The following TOP1 variants were observed in gnomAD, a reference collection of about 807,000 sequenced individuals.
TOP1 encodes DNA topoisomerase 1.
In TOP1, 10 loss-of-function variants were observed where a neutral mutation model predicts 111.1. That is an observed-to-expected ratio of 0.09 (90% CI 0.06 to 0.15). The LOEUF (loss-of-function observed/expected upper bound fraction) is 0.15, where lower values mean the gene tolerates loss of function less well. Ranked by LOEUF, TOP1 falls within the 10% of genes least tolerant of loss-of-function variation. TOP1 has a pLI of 1.00. For missense variants in TOP1, 474 were observed against 926.7 expected (o/e 0.51, Z 6.34); for synonymous variants, 271 against 302.9 (o/e 0.89, Z 1.10).
intron 3 of TOP1, among the ~76,000 whole-genome samples, chr20:41,072,109 G>C (rs1471828435): frequency 6.6e-6 from 1 of 152,062 alleles, no homozygotes; most frequent in Admixed American, 6.5e-5. Flanking sequence ...ATCCTTTCAG[G>C]GTATCTAGCA....
Position 41,046,542 on chromosome 20 carries a change from A to G in TOP1, c.59-14852A>G, listed in dbSNP as rs991246823. ...TAAATGCAGGCTCTGCTGCACTTTA[A>G]TGTAATTCTTTCCCTATTAAGGGAA... On this transcript the variant is annotated intron_variant, in intron 2 of 20. Transcript: ENST00000361337. The surrounding 1 kb of genome is among the most constrained non-coding windows in gnomAD (Gnocchi z 4.3). Among the ~76,000 whole-genome samples, 3 of 152,220 alleles carry G rather than the reference A, an allele frequency of 2.0e-5. No homozygotes were observed. The highest frequency in any genetic ancestry group is 1.3e-4 in the Admixed American group (2 of 15,284).
At chr20:41,088,592 C>T (rs1014421432) in intron 8 of TOP1, among the ~76,000 whole-genome samples, 49 of 152,104 alleles carry the variant, frequency 3.2e-4, no homozygotes, top group African/African-American at 1.1e-3. Flanking sequence ...CGTTCGGAAT[C>T]TCCTCACGGT....
At position 41,122,108 on chromosome 20, in the gene TOP1, G is replaced by A. The variant is rs372445363; in HGVS notation, c.2148G>A (p.Leu716=). 1.9e-6 allele frequency: 3 copies of A among 1,614,144 alleles called. No homozygotes were observed. Among genetic ancestry groups the A allele is most frequent in the African/African-American group, 2.7e-5 (2 of 75,026 alleles). The change falls in exon 20 of 21, where the codon CTG becomes CTA. Residue 716 remains leucine, a synonymous_variant. Coordinates refer to ENST00000361337, the MANE Select transcript of TOP1 (RefSeq NM_003286.4). This position sits in a 1 kb window ranked among gnomAD's most constrained non-coding sequence, Gnocchi z 5.4. ...TDREENKQIA[L]GTSKLNYLDP... Reference sequence around the variant, plus strand: ...GAGAGGAAAATAAACAGATTGCCCTGGGAACCTCCAAACTCAATTATCTGG... The same window carrying A: ...GAGAGGAAAATAAACAGATTGCCCTAGGAACCTCCAAACTCAATTATCTGG...
At position 41,045,489 on chromosome 20, in the gene TOP1, G is replaced by C. The variant is rs571958556; in HGVS notation, c.59-15905G>C. On this transcript the variant is annotated intron_variant, in intron 2 of 20. Coordinates refer to ENST00000361337, the MANE Select transcript of TOP1 (RefSeq NM_003286.4). ...TTATTTGACCCCTTAGAGCTAAACA[G>C]GTGAAAATTTCAGGTCCTTTGGATG... Among the ~76,000 whole-genome samples the C allele has an allele frequency of 5.3e-5, 8 of 152,228 alleles. No individual in the cohort carries two copies. In the South Asian group the frequency reaches 1.7e-3, roughly 32 times the overall value.
chr20:41,074,021 A>G (rs921772361), intron 3 of TOP1, among the ~76,000 whole-genome samples: 3 of 152,190 alleles, frequency 2.0e-5, no homozygotes, highest in Non-Finnish European at 4.4e-5. Context: ...GGTAAGCTCA[A>G]ACATTTTGCT....
chr20:41,041,356 A>G (rs1158967444), intron 2 of TOP1, among the ~76,000 whole-genome samples: 1 of 149,696 alleles, frequency 6.7e-6, no homozygotes, highest in Non-Finnish European at 1.5e-5. Flanking sequence ...AGGCTGAGGA[A>G]GGAGGATCAG....
At chr20:41,084,942 A>G (rs1467591888) in intron 8 of TOP1, among the ~76,000 whole-genome samples, 1 of 152,160 alleles carries the variant, frequency 6.6e-6, no homozygotes, top group Non-Finnish European at 1.5e-5. Flanking sequence ...CTCAACAAGA[A>G]AACGTGGGTG....
In TOP1 at chr20:41,095,507, G is replaced by A. The variant is rs888545471; in HGVS notation, c.731-1713G>A. Among the ~76,000 whole-genome samples the A allele has an allele frequency of 2.3e-4, 35 of 152,032 alleles. No individual in the cohort carries two copies. Among genetic ancestry groups the A allele is most frequent in the Non-Finnish European group, 5.9e-5 (4 of 68,004 alleles). On this transcript the variant is annotated intron_variant, in intron 9 of 20. Coordinates refer to ENST00000361337, the MANE Select transcript of TOP1 (RefSeq NM_003286.4). This position sits in a 1 kb window ranked among gnomAD's most constrained non-coding sequence, Gnocchi z 4.6. Reference sequence around the variant, plus strand: ...TTTTAATACACAGCCTATCTTCCCCGAAGTGTCTTTCTTCCAAAGCAGAAG... The same window carrying A: ...TTTTAATACACAGCCTATCTTCCCCAAAGTGTCTTTCTTCCAAAGCAGAAG...
chr20:41,063,777 A>G (rs575548696), intron 3 of TOP1, among the ~76,000 whole-genome samples: 1 of 151,130 alleles, frequency 6.6e-6, no homozygotes, highest in African/African-American at 2.4e-5. Flanking sequence ...CTTGTTTTTT[A>G]ATGGGGTTAC....
At chr20:41,038,426 T>G (rs6102249) in intron 2 of TOP1, among the ~76,000 whole-genome samples, 12,574 of 152,192 alleles carry the variant, frequency 0.083, 1,741 homozygotes, top group African/African-American at 0.29. Context: ...AACAACACCT[T>G]TTTCAGAAAT....
rs1460208296 is a variant in TOP1, at chr20:41,067,313, G to T, written c.155+5823G>T. Among the ~76,000 whole-genome samples, 1 of 151,892 alleles carries T rather than the reference G, an allele frequency of 6.6e-6. No individual in the cohort carries two copies. The highest frequency in any genetic ancestry group is 1.5e-5 in the Non-Finnish European group (1 of 67,994). On this transcript the variant is annotated intron_variant, in intron 3 of 20. Transcript: ENST00000361337. This position sits in a 1 kb window ranked among gnomAD's most constrained non-coding sequence, Gnocchi z 4.0. ...TTTTTGTATTTTTGGTAGAGACGAG[G>T]TTTCACCATATTGGCCAGGCTGGTC... is the stretch of plus-strand genomic sequence containing the variant.
chr20:41,101,228 C>G lies in TOP1; in HGVS notation c.1183C>G (p.Pro395Ala). Residue 395 changes from proline to alanine, a missense_variant, in exon 13 of 21, where the codon CCT becomes GCT. Around this residue, in one of 14 missense-constraint regions of TOP1, gnomAD observed 22 missense variants for 30.4 expected, o/e 0.72. Coordinates refer to ENST00000361337, the MANE Select transcript of TOP1 (RefSeq NM_003286.4). The surrounding 1 kb of genome is among the most constrained non-coding windows in gnomAD (Gnocchi z 4.1). Reference sequence around the variant, plus strand: ...TTCCAGAGATGCCAAGGTTCCTTCTCCTCCTCCAGGACATAAGTGGAAAGA... The same window carrying G: ...TTCCAGAGATGCCAAGGTTCCTTCTGCTCCTCCAGGACATAAGTGGAAAGA... ...NCSKDAKVPS[P>A]PPGHKWKEVR... 6.2e-7 allele frequency: 1 copy of G among 1,614,098 alleles called. No individual in the cohort carries two copies. Among genetic ancestry groups the G allele is most frequent in the Non-Finnish European group, 8.5e-7 (1 of 1,179,952 alleles).
Position 41,030,620 on chromosome 20 carries a change from G to T in TOP1, c.58+1165G>T, listed in dbSNP as rs552981831. ...TCCTTGCAGGCTTTCGAACAACCCTGTTGAAGGAGAAGTTACCTTCTGTAG... is the reference window on the plus strand; with the variant it reads ...TCCTTGCAGGCTTTCGAACAACCCTTTTGAAGGAGAAGTTACCTTCTGTAG... On this transcript the variant is annotated intron_variant, in intron 2 of 20. Transcript: ENST00000361337. The surrounding 1 kb of genome is among the most constrained non-coding windows in gnomAD (Gnocchi z 4.1). Among the ~76,000 whole-genome samples, 1 of 152,152 alleles carries T rather than the reference G, an allele frequency of 6.6e-6. No homozygotes were observed. Among genetic ancestry groups the T allele is most frequent in the Non-Finnish European group, 1.5e-5 (1 of 68,030 alleles).
intron 8 of TOP1, among the ~76,000 whole-genome samples, chr20:41,086,225 C>T (rs1224629730): frequency 4.0e-5 from 6 of 150,380 alleles, no homozygotes; most frequent in Non-Finnish European, 7.4e-5. Context: ...ATCACGCCAC[C>T]GCACTCCAGC....
rs6102254 is a variant in TOP1 at position 41,038,938 on chromosome 20, G to T, written c.58+9483G>T. On this transcript the variant is annotated intron_variant, in intron 2 of 20. Coordinates refer to ENST00000361337, the MANE Select transcript of TOP1 (RefSeq NM_003286.4). ...CGGGAGGTGGAGGTTGCAGTGAGCC[G>T]TGAGCATGCCACTGTACCTACCCCG... Among the ~76,000 whole-genome samples the T allele has an allele frequency of 1.3e-4, 19 of 151,686 alleles. No individual in the cohort carries two copies. The South Asian group carries it at 3.9e-3, about 32-fold the overall frequency.
At chr20:41,091,666 C>T (rs1178832129) in intron 8 of TOP1, among the ~76,000 whole-genome samples, 2 of 143,284 alleles carry the variant, frequency 1.4e-5, no homozygotes, top group African/African-American at 2.6e-5. Flanking sequence ...AAGCAATTCT[C>T]GTGCCTCAGC....
chr20:41,084,439 T>C (rs780146448), intron 7 of TOP1, 23 bp from the exon 8 acceptor site: 4 of 1,455,438 alleles, frequency 2.7e-6, no homozygotes, highest in Admixed American at 2.3e-5. Context: ...ATTTAAGTGC[T>C]TTCTCACCAT....
chr20:41,077,472 G>A (rs2033742042), intron 4 of TOP1, 110 bp from the exon 5 acceptor site: 4 of 858,546 alleles, frequency 4.7e-6, no homozygotes. Context: ...TAACATAAGA[G>A]CCAGCTTGTG....
intron 3 of TOP1, among the ~76,000 whole-genome samples, chr20:41,062,608 A>C (rs1042605085): frequency 6.6e-6 from 1 of 152,334 alleles, no homozygotes. Flanking sequence ...TACAGCAAAG[A>C]ATATTGCCAA....
Sources: allele counts gnomAD v4.1 joint callset (sites outside exome capture counted in the v4.1 genomes callset), GRCh38; gene constraint gnomAD v4.1.1; regional missense constraint gnomAD v4.1.1; non-coding constraint Gnocchi (gnomAD v3.1); transcripts MANE v1.5; gene names NCBI Gene and HGNC (gene_info 2026-07-23, HGNC 2026-07-21).